PRDX3: variants seen among roughly 807,000 people sequenced by gnomAD.
The protein encoded by PRDX3 is peroxiredoxin 3.
PRDX3 carries 20 observed loss-of-function variants against 30.4 expected under a neutral mutation model. That is an observed-to-expected ratio of 0.66 (90% CI 0.46 to 0.96). The LOEUF (loss-of-function observed/expected upper bound fraction) is 0.96, where lower values mean the gene tolerates loss of function less well. Among genes scored for constraint, PRDX3 ranks in the 40% least tolerant of loss-of-function variants. PRDX3 has a pLI of 0.00. For synonymous variants in PRDX3, 124 were observed against 117.8 expected, an observed-to-expected ratio of 1.05 and a Z score of -0.34; for missense variants, 322 against 318.3, an observed-to-expected ratio of 1.01 and a Z score of -0.09.
chr10:119,173,212 ACAGGCGT>A (rs1190281308), intron 4 of PRDX3, among the ~76,000 whole-genome samples: 1 of 152,176 alleles, frequency 6.6e-6, no homozygotes, highest in East Asian at 1.9e-4. Context: ...TGCTGGGATT[ACAGGCGT>A]GAGCCATCAC....
At chr10:119,171,168 G>A (rs1847898318) in intron 5 of PRDX3, among the ~76,000 whole-genome samples, 1 of 152,016 alleles carries the variant, frequency 6.6e-6, no homozygotes, top group South Asian at 2.1e-4. Flanking sequence ...AGCCTCCCGA[G>A]TAGCTGGGAC....
chr10:119,176,607 T>C (rs985053417), intron 2 of PRDX3, among the ~76,000 whole-genome samples: 5 of 152,184 alleles, frequency 3.3e-5, no homozygotes, highest in African/African-American at 4.8e-5. Flanking sequence ...GGTTCCTAAG[T>C]GGCCAGCTGG....
intron 4 of PRDX3, among the ~76,000 whole-genome samples, chr10:119,172,841 C>G (rs933196765): frequency 1.1e-4 from 17 of 152,316 alleles, no homozygotes; most frequent in African/African-American, 4.1e-4. Context: ...TCACAGCTCA[C>G]AGCAGCCTCA....
chr10:119,178,554 C>T (rs571664980), intron 1 of PRDX3, among the ~76,000 whole-genome samples: 2 of 152,130 alleles, frequency 1.3e-5, no homozygotes, highest in Non-Finnish European at 2.9e-5. Context: ...GGGAAGAGAC[C>T]GCGAGGATGG....
chr10:119,178,123 A>T (rs1016311391), intron 1 of PRDX3, among the ~76,000 whole-genome samples: 3 of 151,814 alleles, frequency 2.0e-5, no homozygotes, highest in African/African-American at 7.3e-5. Flanking sequence ...TCGGCCTCCC[A>T]AAGTGCTAGG....
chr10:119,173,083 C>T (rs1398892990), intron 4 of PRDX3, among the ~76,000 whole-genome samples: 14 of 152,082 alleles, frequency 9.2e-5, no homozygotes, highest in Admixed American at 2.6e-4. Flanking sequence ...GGACTACAGG[C>T]GCCCACCACC....
At chr10:119,175,582 A>G (rs1027046926) in intron 2 of PRDX3, among the ~76,000 whole-genome samples, 5 of 151,570 alleles carry the variant, frequency 3.3e-5, no homozygotes, top group Non-Finnish European at 7.4e-5. Context: ...TTTTTAGTAG[A>G]GATGGGGTTT....
At chr10:119,176,624 T>G (rs1589666279) in intron 2 of PRDX3, among the ~76,000 whole-genome samples, 1 of 152,162 alleles carries the variant, frequency 6.6e-6, no homozygotes, top group South Asian at 2.1e-4. Flanking sequence ...CTGGGGCCAT[T>G]ACACAGGTTT....
intron 4 of PRDX3, among the ~76,000 whole-genome samples, chr10:119,173,084 G>A (rs540077172): frequency 2.0e-5 from 3 of 151,974 alleles, no homozygotes; most frequent in African/African-American, 4.8e-5. Flanking sequence ...GACTACAGGC[G>A]CCCACCACCA....
At chr10:119,169,518 A>C (rs1053008181) in intron 5 of PRDX3, 176 bp from the exon 6 acceptor site, 9 of 568,498 alleles carry the variant, frequency 1.6e-5, no homozygotes, top group Non-Finnish European at 2.8e-5. Flanking sequence ...CTTACTGATG[A>C]CAGATGCTTT....
intron 2 of PRDX3, among the ~76,000 whole-genome samples, chr10:119,175,688 C>T (rs1848010418): frequency 6.6e-6 from 1 of 152,008 alleles, no homozygotes; most frequent in Non-Finnish European, 1.5e-5. Context: ...AGCCACAGTG[C>T]CTGGCTGAGA....
intron 2 of PRDX3, among the ~76,000 whole-genome samples, chr10:119,175,296 T>C (rs900212850): frequency 2.6e-5 from 4 of 151,562 alleles, no homozygotes; most frequent in South Asian, 4.2e-4. Context: ...GAACAGAGAG[T>C]GTCTAAGGGT....
chr10:119,177,748 CT>C (rs1198551103), intron 1 of PRDX3, among the ~76,000 whole-genome samples: 2 of 146,922 alleles, frequency 1.4e-5, no homozygotes, highest in Admixed American at 1.4e-4. Context: ...GCACTATCTG[CT>C]GAGTATGTTC....
intron 2 of PRDX3, among the ~76,000 whole-genome samples, chr10:119,176,528 G>C (rs1018781491): frequency 1.3e-5 from 2 of 152,176 alleles, no homozygotes; most frequent in Non-Finnish European, 2.9e-5. Context: ...CCATATCCTA[G>C]AGAAGGGAGT....
chr10:119,172,241 A>G, intron 5 of PRDX3, 141 bp downstream of exon 5: 1 of 701,750 alleles, frequency 1.4e-6, no homozygotes, highest in African/African-American at 1.8e-5. Flanking sequence ...AAGTGCTACG[A>G]TTACAGGCAT....
Position 119,174,484 on chromosome 10 carries a change from T to C in PRDX3, c.278A>G (p.Lys93Arg). ...AGGATAGAAGAAAAGCACCAAATAT[T>C]TCCCCTTAAAGTCATCAAGGCTTAG... ...KDLSLDDFKG[K>R]YLVLFFYPLD... The change falls in exon 3 of 7, where the codon AAA becomes AGA. Residue 93 changes from lysine to arginine, a missense_variant. By Grantham distance (26) the Lys-to-Arg change is conservative (BLOSUM62 2). Coordinates refer to ENST00000298510, the MANE Select transcript of PRDX3 (RefSeq NM_006793.5). The C allele has an allele frequency of 6.2e-7, 1 of 1,606,588 alleles. No individual in the cohort carries two copies. The highest frequency in any genetic ancestry group is 8.5e-7 in the Non-Finnish European group (1 of 1,178,170).
In PRDX3 at chr10:119,169,236, G is replaced by A. The variant is rs925412397; in HGVS notation, c.658C>T (p.Gln220Ter). The stretch of plus-strand genomic sequence containing the variant: ...ACTTCTCCATGTGTTTCTACATACT[G>A]GAACGCCTTCACCAAGCGGAGGGTT... The part of the protein sequence containing the change: ...EETLRLVKAF[Q>*]YVETHGEVCP... The change falls in exon 6 of 7, where the codon CAG becomes TAG. Residue 220 changes from glutamine (Q) to a stop codon, truncating the protein, a stop_gained. Transcript: ENST00000298510. LOFTEE classifies it high-confidence loss of function. 6 of 1,613,226 alleles carry A rather than the reference G, an allele frequency of 3.7e-6. No individual in the cohort carries two copies. In the African/African-American group the frequency reaches 4.0e-5, roughly 11 times the overall value.
chr10:119,177,705 C>T (rs1278637263), intron 1 of PRDX3, among the ~76,000 whole-genome samples: 1 of 148,754 alleles, frequency 6.7e-6, no homozygotes, highest in Admixed American at 6.7e-5. Flanking sequence ...ACACAGGGTT[C>T]AGAAGCCAGG....
At chr10:119,178,439 G>C (rs1848096982) in intron 1 of PRDX3, among the ~76,000 whole-genome samples, 1 of 152,250 alleles carries the variant, frequency 6.6e-6, no homozygotes. Context: ...TCTGAGAAAG[G>C]CGAAGGCGCT....
Sources: allele counts gnomAD v4.1 joint callset (sites outside exome capture counted in the v4.1 genomes callset), GRCh38; gene constraint gnomAD v4.1.1; transcripts MANE v1.5; gene names NCBI Gene and HGNC (gene_info 2026-07-23, HGNC 2026-07-21).